The following PPM1B variants were observed in gnomAD, a reference collection of about 807,000 sequenced individuals.
PPM1B encodes protein phosphatase 1B.
Under a neutral mutation model 43.0 loss-of-function variants are expected in PPM1B, and 22 were observed. The ratio of observed to expected loss-of-function variants is 0.51; its 90% CI spans 0.37 to 0.73. PPM1B has a LOEUF of 0.73. Ranked by LOEUF, PPM1B falls within the 30% of genes least tolerant of loss-of-function variation. The pLI is 0.00. For synonymous variants in PPM1B, 217 were observed against 197.9 expected (o/e 1.10, Z -0.81); for missense variants, 632 against 584.2 (o/e 1.08, Z -0.84).
At chr2:44,178,360 CCTTAT>C (rs1475821620) in intron 1 of PPM1B, among the ~76,000 whole-genome samples, 1 of 151,070 alleles carries the variant, frequency 6.6e-6, no homozygotes, top group Admixed American at 6.6e-5. Flanking sequence ...TGTAGGCCAT[CCTTAT>C]CTTATAGCCC....
At chr2:44,172,746 C>CA (rs1315220380) in intron 1 of PPM1B, among the ~76,000 whole-genome samples, 2 of 152,126 alleles carry the variant, frequency 1.3e-5, no homozygotes, top group African/African-American at 2.4e-5. Flanking sequence ...CCTGTCTCTA[C>CA]AAAAAATAAA....
At chr2:44,236,737 T>C (rs1243522493), downstream of PPM1B, among the ~76,000 whole-genome samples, 1 of 152,178 alleles carries the variant, frequency 6.6e-6, no homozygotes, top group African/African-American at 2.4e-5. Flanking sequence ...CCATCAAATA[T>C]CTTTTGCTGA....
intron 1 of PPM1B, among the ~76,000 whole-genome samples, chr2:44,199,177 GA>G (rs1208627455): frequency 2.6e-5 from 4 of 151,102 alleles, no homozygotes; most frequent in Admixed American, 2.0e-4. Context: ...AGAGTGGTGT[GA>G]ACCTGGGAGG....
At chr2:44,204,685 C>A (rs377059760) in intron 2 of PPM1B, among the ~76,000 whole-genome samples, 5 of 151,666 alleles carry the variant, frequency 3.3e-5, no homozygotes, top group African/African-American at 1.2e-4. Flanking sequence ...AGTGAAACCC[C>A]GTCTCTATTA....
chr2:44,214,175 G>A (rs1298638888), intron 3 of PPM1B, among the ~76,000 whole-genome samples: 3 of 152,168 alleles, frequency 2.0e-5, no homozygotes, highest in Non-Finnish European at 4.4e-5. Context: ...AGCTGCCCGG[G>A]TTCACACCAT....
At chr2:44,207,996 C>G (rs1166816005) in intron 2 of PPM1B, among the ~76,000 whole-genome samples, 2 of 148,878 alleles carry the variant, frequency 1.3e-5, no homozygotes, top group Non-Finnish European at 3.0e-5. Context: ...TCAAGTGATT[C>G]TCCTGCCTCA....
At chr2:44,220,443 C>G (rs1462158964) in intron 5 of PPM1B, among the ~76,000 whole-genome samples, 1 of 151,948 alleles carries the variant, frequency 6.6e-6, no homozygotes, top group African/African-American at 2.4e-5. Flanking sequence ...AACTATGAAA[C>G]TGGGGGGAAA....
In PPM1B at chr2:44,208,572, G is replaced by A. The variant is rs184669595; in HGVS notation, c.847-638G>A. Among the ~76,000 whole-genome samples, 619 of 152,238 alleles carry A rather than the reference G, an allele frequency of 4.1e-3. 7 individuals carry two copies. The highest frequency in any genetic ancestry group is 0.014 in the African/African-American group (597 of 41,532). On this transcript the variant is annotated intron_variant, in intron 2 of 5. Transcript: ENST00000282412. ...TACTAAATATAAAAAAATTAGCCGGGCCTGGTGGCCGTCACCTGTAATGCC... is the reference window on the plus strand; with the variant it reads ...TACTAAATATAAAAAAATTAGCCGGACCTGGTGGCCGTCACCTGTAATGCC...
chr2:44,218,184 A>G (rs529611570), intron 4 of PPM1B, 106 bp downstream of exon 4: 34 of 847,040 alleles, frequency 4.0e-5, no homozygotes, highest in South Asian at 3.7e-4. Context: ...TAGAGGTGAA[A>G]TGGGTTAGTG....
rs909357982 is a variant in PPM1B at position 44,184,988 on chromosome 2, T to A, written c.-15+15714T>A. ...GACCGGCCACTAGATACTGTTGTGT[T>A]AGTGAAGAAGACATGTATTACTATG... is the stretch of plus-strand genomic sequence containing the variant. On this transcript the variant is annotated intron_variant, in intron 1 of 5. Transcript: ENST00000282412. Among the ~76,000 whole-genome samples, 9 of 149,886 alleles carry A rather than the reference T, an allele frequency of 6.0e-5. No homozygotes were observed. In the East Asian group the frequency reaches 1.5e-3, roughly 26 times the overall value.
At chr2:44,222,913 C>T (rs1189786627) in intron 5 of PPM1B, among the ~76,000 whole-genome samples, 2 of 152,150 alleles carry the variant, frequency 1.3e-5, no homozygotes, top group East Asian at 3.8e-4. Flanking sequence ...TCTCTGTAGC[C>T]TCAACCTCCC....
chr2:44,179,360 A>C (rs984417775), intron 1 of PPM1B, among the ~76,000 whole-genome samples: 7 of 152,232 alleles, frequency 4.6e-5, no homozygotes, highest in African/African-American at 1.4e-4. Flanking sequence ...TGTATTTTAC[A>C]CTTACAGCAA....
intron 3 of PPM1B, among the ~76,000 whole-genome samples, chr2:44,216,187 C>T (rs981846021): frequency 4.6e-5 from 7 of 152,136 alleles, no homozygotes; most frequent in African/African-American, 1.2e-4. Context: ...GCCAAAATAC[C>T]GATTAGAAAT....
At chr2:44,234,570 G>C, downstream of PPM1B, 9 of 985,228 alleles carry the variant, frequency 9.1e-6, no homozygotes, top group Non-Finnish European at 1.1e-5. Flanking sequence ...GCAGGGTGGG[G>C]GTTACTGGTG....
intron 5 of PPM1B, among the ~76,000 whole-genome samples, chr2:44,228,892 A>G (rs748123531): frequency 1.7e-4 from 26 of 152,148 alleles, no homozygotes; most frequent in Non-Finnish European, 3.4e-4. Context: ...AAGAATGAAG[A>G]TATTTTTCAG....
Position 44,223,831 on chromosome 2 carries a change from AAAAAAAAAAAAAAGAGAG to A in PPM1B, c.1134+5296_1134+5313del, listed in dbSNP as rs1371484825. Among the ~76,000 whole-genome samples, 6 of 148,672 alleles carry A rather than the reference AAAAAAAAAAAAAAGAGAG, an allele frequency of 4.0e-5. No homozygotes were observed. In the South Asian group the frequency reaches 1.3e-3, roughly 31 times the overall value. ...ACTCTGTCTAAAAAAAAAAAAAAAA[AAAAAAAAAAAAAAGAGAG>A]AGAGAGAGAAAATGCACTAACATTA... On this transcript the variant is annotated intron_variant, in intron 5 of 5. Transcript: ENST00000282412.
At chr2:44,221,524 A>G (rs546605060) in intron 5 of PPM1B, among the ~76,000 whole-genome samples, 2 of 152,354 alleles carry the variant, frequency 1.3e-5, no homozygotes, top group East Asian at 3.9e-4. Flanking sequence ...GGGGTGGGAA[A>G]GATGAAAGTA....
chr2:44,193,581 T>C (rs1056341378), intron 1 of PPM1B, among the ~76,000 whole-genome samples: 295 of 144,320 alleles, frequency 2.0e-3, no homozygotes, highest in African/African-American at 7.3e-3. Flanking sequence ...TTTTCTTTTT[T>C]TTTTTTTTTT....
At chr2:44,228,863 A>T (rs138188435) in intron 5 of PPM1B, among the ~76,000 whole-genome samples, 11 of 152,174 alleles carry the variant, frequency 7.2e-5, no homozygotes, top group Non-Finnish European at 1.2e-4. Context: ...ACCTGTAAAC[A>T]TTTAAGCATG....
Sources: allele counts gnomAD v4.1 joint callset (sites outside exome capture counted in the v4.1 genomes callset), GRCh38; gene constraint gnomAD v4.1.1; transcripts MANE v1.5; gene names NCBI Gene and HGNC (gene_info 2026-07-23, HGNC 2026-07-21).